Variants in MAP3K13 observed in about 807,000 individuals in gnomAD.
MAP3K13 encodes mitogen-activated protein kinase kinase kinase 13, also known as leucine zipper-bearing kinase.
Under a neutral mutation model 104.0 loss-of-function variants are expected in MAP3K13, and 52 were observed. The ratio of observed to expected loss-of-function variants is 0.50; its 90% CI spans 0.40 to 0.63. The LOEUF (loss-of-function observed/expected upper bound fraction) is 0.63, where lower values mean the gene tolerates loss of function less well. MAP3K13 is among the 20% of genes least tolerant of loss of function. MAP3K13 has a pLI of 0.00. For missense variants in MAP3K13, 914 were observed against 1,218.5 expected (o/e 0.75, Z 3.72); for synonymous variants, 394 against 442.2 (o/e 0.89, Z 1.37).
At chr3:185,398,255 A>G (rs1169285260) in intron 1 of MAP3K13, among the ~76,000 whole-genome samples, 1 of 152,206 alleles carries the variant, frequency 6.6e-6, no homozygotes, top group Non-Finnish European at 1.5e-5. Flanking sequence ...GTGAGCCAGT[A>G]GCCCTAATGC....
At chr3:185,442,247 G>C (rs1451056349) in intron 3 of MAP3K13, among the ~76,000 whole-genome samples, 8 of 151,526 alleles carry the variant, frequency 5.3e-5, no homozygotes, top group African/African-American at 1.9e-4. Context: ...AGCATGACTG[G>C]GTGTTCCCAC....
intron 7 of MAP3K13, among the ~76,000 whole-genome samples, chr3:185,454,636 T>TATATAA (rs1716223353): frequency 1.4e-4 from 7 of 50,880 alleles, no homozygotes; most frequent in Non-Finnish European, 2.7e-4. Flanking sequence ...GATATATATA[T>TATATAA]GAGATATATA....
intron 13 of MAP3K13, among the ~76,000 whole-genome samples, chr3:185,481,620 A>G (rs1430335623): frequency 6.6e-6 from 1 of 152,194 alleles, no homozygotes; most frequent in Non-Finnish European, 1.5e-5. Flanking sequence ...GCAGGCTAGC[A>G]TAGTGGTTCT....
chr3:185,390,488 A>T (rs994704494), intron 1 of MAP3K13, among the ~76,000 whole-genome samples: 3 of 152,174 alleles, frequency 2.0e-5, no homozygotes, highest in Non-Finnish European at 4.4e-5. Flanking sequence ...CTACGCAAAG[A>T]TGGAGGTTCT....
chr3:185,461,800 C>A lies in MAP3K13; in HGVS notation c.1279-1750C>A, dbSNP rs189578959. Among the ~76,000 whole-genome samples, 14 of 152,214 alleles carry A rather than the reference C, an allele frequency of 9.2e-5. No individual in the cohort carries two copies. The East Asian group carries it at 2.7e-3, about 29-fold the overall frequency. On this transcript the variant is annotated intron_variant, in intron 7 of 13. Transcript: ENST00000265026. The stretch of plus-strand genomic sequence containing the variant: ...CTGGTCTTGAACTCCTGGGCTCAAG[C>A]AATCCTCTCACCTCAGCCTCCCAAA...
intron 9 of MAP3K13, among the ~76,000 whole-genome samples, chr3:185,466,149 CG>C (rs1027182882): frequency 1.3e-5 from 2 of 152,130 alleles, no homozygotes; most frequent in Non-Finnish European, 2.9e-5. Flanking sequence ...ACCGGGGAGC[CG>C]ATTGCCCCCT....
chr3:185,473,685 G>T lies in MAP3K13; in HGVS notation c.2354G>T (p.Arg785Met). Residue 785 changes from arginine (R) to methionine (M), a missense_variant, in exon 11 of 14, where the codon AGG (arginine) becomes ATG (methionine). Around this residue, in one of 3 missense-constraint regions of MAP3K13, gnomAD observed 583 missense variants for 737.4 expected, o/e 0.79. Coordinates refer to ENST00000265026, the MANE Select transcript of MAP3K13 (RefSeq NM_004721.5). The surrounding 1 kb of genome is among the most constrained non-coding windows in gnomAD (Gnocchi z 4.9). ...GAAGAAAATGAATTCAGCGGCTGTA[G>T]GTCTGAGTCATCCCTCGGCACCTCT... Reference protein sequence around the residue: ...KTEENEFSGCRSESSLGTSHL... With the variant: ...KTEENEFSGCMSESSLGTSHL... 6.2e-7 allele frequency: 1 copy of T among 1,614,134 alleles called. No homozygotes were observed. The highest frequency in any genetic ancestry group is 8.5e-7 in the Non-Finnish European group (1 of 1,180,026).
In MAP3K13 at chr3:185,486,026, G is replaced by A. The variant is rs1057437206; in HGVS notation, c.*3570G>A. 3.3e-5 allele frequency: 5 copies of A among 152,210 alleles called. No individual in the cohort carries two copies. The highest frequency in any genetic ancestry group is 9.6e-5 in the African/African-American group (4 of 41,452). The allele number at this position is 152,210 out of a possible 1,614,324, so 9.4% of individuals were successfully genotyped here. ...CTCTGGTTCATTATTCCTTGGAACA[G>A]AGATGCTACAACTCTATGTCTTCTT... is the stretch of plus-strand genomic sequence containing the variant. On this transcript the variant is annotated 3_prime_UTR_variant, in exon 14 of 14. Transcript: ENST00000265026.
rs1716043682 is a variant in MAP3K13 at position 185,453,841 on chromosome 3, T to C, written c.1278+2446T>C. On this transcript the variant is annotated intron_variant, in intron 7 of 13. Transcript: ENST00000265026. ...ATATATATGAGATATATATATATGA[T>C]ACATATATATGAGATATATATATAT... is the stretch of plus-strand genomic sequence containing the variant. Among the ~76,000 whole-genome samples the C allele has an allele frequency of 1.9e-4, 3 of 16,046 alleles. 1 individual carries two copies. The highest frequency in any genetic ancestry group is 3.2e-4 in the African/African-American group (3 of 9,410). The allele number at this position is 16,046 out of a possible 152,430, so 10.5% of individuals were successfully genotyped here.
rs752118068 is a variant in MAP3K13, at chr3:185,443,555, T to A, written c.770T>A (p.Val257Glu). Residue 257 changes from valine to glutamate, a missense_variant, in exon 4 of 14, where the codon GTA (valine) becomes GAA (glutamate). Around this residue, in one of 3 missense-constraint regions of MAP3K13, gnomAD observed 175 missense variants for 321.3 expected, o/e 0.54. Transcript: ENST00000265026. The part of the protein sequence containing the change: ...AGRKITPRLL[V>E]DWSTGIASGM... ...AGGAAGATCACACCTCGATTGCTAG[T>A]AGACTGGTCCACAGGAATTGCAAGT... 6.2e-7 allele frequency: 1 copy of A among 1,614,046 alleles called. No homozygotes were observed. The highest frequency in any genetic ancestry group is 2.2e-5 in the East Asian group (1 of 44,896).
At chr3:185,437,371 T>C (rs985225655) in intron 2 of MAP3K13, 76 bp from the exon 3 acceptor site, 2 of 1,326,776 alleles carry the variant, frequency 1.5e-6, no homozygotes, top group Non-Finnish European at 1.0e-6. Context: ...ACGATGAAGT[T>C]GGTACCTTCA....
intron 7 of MAP3K13, among the ~76,000 whole-genome samples, chr3:185,453,130 C>T (rs1056926820): frequency 6.6e-6 from 1 of 152,006 alleles, no homozygotes; most frequent in Non-Finnish European, 1.5e-5. Context: ...GGCCCTTATC[C>T]CTTCCAGACC....
intron 2 of MAP3K13, among the ~76,000 whole-genome samples, chr3:185,305,534 A>G (rs1318749822): frequency 6.6e-6 from 1 of 152,188 alleles, no homozygotes; most frequent in African/African-American, 2.4e-5. Flanking sequence ...TTTATGTGCC[A>G]TCATTACAGT....
In MAP3K13 at chr3:185,463,664, G is replaced by A. The variant is rs778482467; in HGVS notation, c.1388+5G>A. ...AAGGCGCAGAGAAGAGCTCAGGTCAGCTCATCCCTCCTTCCCCACCTCCCT... is the reference window on the plus strand; with the variant it reads ...AAGGCGCAGAGAAGAGCTCAGGTCAACTCATCCCTCCTTCCCCACCTCCCT... On this transcript the variant is annotated splice_donor_5th_base_variant and intron_variant, in intron 8 of 13. Transcript: ENST00000265026. 4 of 1,575,726 alleles carry A rather than the reference G, an allele frequency of 2.5e-6. No individual in the cohort carries two copies. The highest frequency in any genetic ancestry group is 3.3e-4 in the Middle Eastern group (2 of 5,972).
rs570042345 is a variant in MAP3K13 at position 185,418,450 on chromosome 3, C to T, written c.-85-10047C>T. ...GGTTGTGTTCACTCTACGATGCCAA[C>T]GGCGCCAGGTTTTGGTTGGTGCAAA... On this transcript the variant is annotated intron_variant, in intron 1 of 13. Transcript: ENST00000265026. The surrounding 1 kb of genome is among the most constrained non-coding windows in gnomAD (Gnocchi z 4.5). 27 of 1,610,576 alleles carry T rather than the reference C, an allele frequency of 1.7e-5. No homozygotes were observed. The East Asian group carries it at 3.1e-4, about 19-fold the overall frequency.
intron 2 of MAP3K13, among the ~76,000 whole-genome samples, chr3:185,435,201 G>A (rs575797297): frequency 5.3e-5 from 8 of 149,780 alleles, no homozygotes; most frequent in South Asian, 2.1e-4. Flanking sequence ...TAATAGAGAC[G>A]GGGTTTCACC....
intron 2 of MAP3K13, among the ~76,000 whole-genome samples, chr3:185,353,400 C>G (rs751728995): frequency 5.3e-5 from 8 of 152,174 alleles, no homozygotes; most frequent in African/African-American, 1.2e-4. Context: ...TTGGTTCCAG[C>G]TCAGTATTTG....
chr3:185,321,467 A>T (rs1251985612), intron 2 of MAP3K13, among the ~76,000 whole-genome samples: 1 of 152,240 alleles, frequency 6.6e-6, no homozygotes, highest in African/African-American at 2.4e-5. Flanking sequence ...TCAATAGCAA[A>T]ATAGTGGTAA....
At chr3:185,352,545 T>C (rs1187852781) in intron 2 of MAP3K13, among the ~76,000 whole-genome samples, 1 of 152,224 alleles carries the variant, frequency 6.6e-6, no homozygotes, top group Non-Finnish European at 1.5e-5. Context: ...TCTCTACCAC[T>C]CTACCTTCTG....
Sources: gnomAD v4.1 joint callset for allele counts (sites outside exome capture counted in the v4.1 genomes callset) on GRCh38, gnomAD v4.1.1 for gene constraint, gnomAD v4.1.1 regional missense constraint, Gnocchi (gnomAD v3.1) non-coding constraint, MANE v1.5 for transcripts, NCBI Gene and HGNC (gene_info 2026-07-23, HGNC 2026-07-21) for gene names.